PDE6B: variants seen among roughly 807,000 people sequenced by gnomAD.
PDE6B encodes the protein phosphodiesterase 6B, also known as rod cGMP-specific 3',5'-cyclic phosphodiesterase subunit beta.
A neutral mutation model predicts 109.0 loss-of-function variants in PDE6B; 106 were observed. The observed-to-expected ratio is 0.97, with a 90% CI of 0.83 to 1.14. PDE6B has a LOEUF of 1.14. Ranked by LOEUF, PDE6B falls within the 50% of genes most tolerant of loss-of-function variation. PDE6B has a pLI of 0.00. For missense variants in PDE6B, 1,193 were observed against 1,155.6 expected, an observed-to-expected ratio of 1.03 and a Z score of -0.47; for synonymous variants, 490 against 471.3, an observed-to-expected ratio of 1.04 and a Z score of -0.51.
At chr4:669,925 C>G in intron 21 of PDE6B, 121 bp from the exon 22 acceptor site, 1 of 835,408 alleles carries the variant, frequency 1.2e-6, no homozygotes, top group Non-Finnish European at 2.1e-6. Context: ...GGGCTGGTCA[C>G]AGACCCAGGT....
At chr4:658,845 A>G in intron 10 of PDE6B, 107 bp from the exon 11 acceptor site, 1 of 818,536 alleles carries the variant, frequency 1.2e-6, no homozygotes, top group Non-Finnish European at 2.1e-6. Context: ...GTGAAAGCAC[A>G]AGCTCTTGAC....
chr4:650,417 C>G (rs1413114666), intron 3 of PDE6B, among the ~76,000 whole-genome samples: 2 of 152,254 alleles, frequency 1.3e-5, no homozygotes, highest in Admixed American at 6.5e-5. Context: ...AGCCTGCTTC[C>G]TCCACACAGG....
Position 636,598 on chromosome 4 carries a change from G to T in PDE6B, c.711+629G>T, listed in dbSNP as rs1217059400. 2.6e-5 allele frequency among the ~76,000 whole-genome samples: 4 copies of T among 152,170 alleles called. 1 individual carries two copies. The highest frequency in any genetic ancestry group is 7.2e-5 in the African/African-American group (3 of 41,434). On this transcript the variant is annotated intron_variant, in intron 3 of 21. Coordinates refer to ENST00000496514, the MANE Select transcript of PDE6B (RefSeq NM_000283.4). The surrounding 1 kb of genome is among the most constrained non-coding windows in gnomAD (Gnocchi z 4.5). ...TGGGGGAGGGAGGCTCTATGTTGGG[G>T]CTGGGAAGCCGTCCATGCAATGGCC... is the stretch of plus-strand genomic sequence containing the variant.
intron 5 of PDE6B, 37 bp downstream of exon 5, chr4:654,191 C>T (rs373065560): frequency 1.9e-5 from 30 of 1,560,654 alleles, no homozygotes; most frequent in African/African-American, 1.5e-4. Flanking sequence ...CCTGTCCACA[C>T]GCCTCTGTTT....
intron 1 of PDE6B, among the ~76,000 whole-genome samples, chr4:630,088 G>T (rs1276306966): frequency 6.6e-6 from 1 of 152,190 alleles, no homozygotes; most frequent in Non-Finnish European, 1.5e-5. Context: ...AGGGGACACA[G>T]AACCCAGAGG....
In PDE6B at chr4:631,828, G is replaced by A. The variant is rs1734401321; in HGVS notation, c.469-2849G>A. ...CAAAGGGTCATGAGGGTCACGTTGT[G>A]TGGGTCCATGTGGCACCATCTGAGG... On this transcript the variant is annotated intron_variant, in intron 1 of 21. Transcript: ENST00000496514. Among the ~76,000 whole-genome samples the A allele has an allele frequency of 2.6e-5, 4 of 151,914 alleles. 1 individual carries two copies. In the South Asian group the frequency reaches 8.3e-4, roughly 32 times the overall value.
chr4:658,975 G>T lies in PDE6B; in HGVS notation c.1425G>T (p.Lys475Asn). The T allele has an allele frequency of 1.9e-6, 3 of 1,613,538 alleles. No homozygotes were observed. Among genetic ancestry groups the T allele is most frequent in the Non-Finnish European group, 2.5e-6 (3 of 1,179,766 alleles). ...AGCCAACCAGAGCGCGCCTGGGGAA[G>T]GAGCCTGCTGACTGCGATGAGGACG... ...LILPTRARLG[K>N]EPADCDEDEL... The change falls in exon 11 of 22, where the codon AAG becomes AAT. Residue 475 changes from lysine (K) to asparagine (N), a missense_variant. By Grantham distance (94) the Lys-to-Asn change is moderately conservative (BLOSUM62 0). Transcript: ENST00000496514.
At chr4:640,448 A>G (rs1346580261) in intron 3 of PDE6B, among the ~76,000 whole-genome samples, 2 of 152,122 alleles carry the variant, frequency 1.3e-5, no homozygotes, top group Non-Finnish European at 2.9e-5. Context: ...CTGAGGCAAG[A>G]GAATCACTTG....
intron 3 of PDE6B, among the ~76,000 whole-genome samples, chr4:637,945 C>T (rs959725838): frequency 7.9e-5 from 12 of 152,290 alleles, no homozygotes; most frequent in Middle Eastern, 3.4e-3. Context: ...GGAATAGCCG[C>T]GTCAGGACTG....
At chr4:634,547 C>G in intron 1 of PDE6B, 130 bp from the exon 2 acceptor site, 1 of 825,934 alleles carries the variant, frequency 1.2e-6, no homozygotes, top group Non-Finnish European at 2.1e-6. Context: ...TCCCAGTGCC[C>G]AGCAGGGCCC....
rs1275038755 is a variant in PDE6B, at chr4:665,838, CCCA to C, written c.2268+511_2268+513del. Reference sequence around the variant, plus strand: ...ACAGGAGAGGCAGGGCTGCCCCAGCCCCACGTGGACCAGGTGGGAGCTGTGGTT... The same window carrying C: ...ACAGGAGAGGCAGGGCTGCCCCAGCCCGTGGACCAGGTGGGAGCTGTGGTT... On this transcript the variant is annotated intron_variant, in intron 19 of 21. Coordinates refer to ENST00000496514, the MANE Select transcript of PDE6B (RefSeq NM_000283.4). The surrounding 1 kb of genome is among the most constrained non-coding windows in gnomAD (Gnocchi z 4.0). Among the ~76,000 whole-genome samples the C allele has an allele frequency of 6.6e-6, 1 of 152,126 alleles. No homozygotes were observed. Among genetic ancestry groups the C allele is most frequent in the Non-Finnish European group, 1.5e-5 (1 of 68,004 alleles).
At chr4:645,084 A>C (rs913692336) in intron 3 of PDE6B, among the ~76,000 whole-genome samples, 2 of 151,996 alleles carry the variant, frequency 1.3e-5, no homozygotes, top group Admixed American at 1.3e-4. Flanking sequence ...CCTTGTTCTA[A>C]AGTACTCTTT....
Position 626,933 on chromosome 4 carries a change from AG to A in PDE6B, c.468+845del, listed in dbSNP as rs1219034265. Among the ~76,000 whole-genome samples the A allele has an allele frequency of 2.6e-5, 4 of 152,182 alleles. No individual in the cohort carries two copies. In the East Asian group the frequency reaches 7.7e-4, roughly 29 times the overall value. On this transcript the variant is annotated intron_variant, in intron 1 of 21. Coordinates refer to ENST00000496514, the MANE Select transcript of PDE6B (RefSeq NM_000283.4). The surrounding 1 kb of genome is among the most constrained non-coding windows in gnomAD (Gnocchi z 4.6). Reference sequence around the variant, plus strand: ...CAAGGGGGCTCTGAGGAAGAAGGGGAGGGGGGAAGCCCCTTCTCCCTGTCCT... The same window carrying A: ...CAAGGGGGCTCTGAGGAAGAAGGGGAGGGGGAAGCCCCTTCTCCCTGTCCT...
intron 6 of PDE6B, chr4:655,615 G>C (rs914707758): frequency 2.2e-6 from 1 of 455,254 alleles, no homozygotes; most frequent in Admixed American, 3.4e-5. Context: ...TCCAACCCAC[G>C]CCCTGGCCTC....
intron 3 of PDE6B, among the ~76,000 whole-genome samples, chr4:642,411 G>C (rs995479293): frequency 1.3e-5 from 2 of 152,130 alleles, no homozygotes; most frequent in Non-Finnish European, 1.5e-5. Flanking sequence ...GGGAGGCAGA[G>C]GTTGTGGTGA....
chr4:664,353 G>A, intron 17 of PDE6B, 132 bp downstream of exon 17: 1 of 707,478 alleles, frequency 1.4e-6, no homozygotes. Context: ...GCTTGTCGAG[G>A]GCTGTGAAAC....
At position 662,108 on chromosome 4, in the gene PDE6B, G is replaced by C; in HGVS notation, c.1615-26G>C. On this transcript the variant is annotated intron_variant, in intron 12 of 21. Transcript: ENST00000496514. This position sits in a 1 kb window ranked among gnomAD's most constrained non-coding sequence, Gnocchi z 4.3. ...CGGGACTTACACGCTTGCCGCCGGA[G>C]CCCTGTGTCCTCTCGGCTCCCCCAG... 8.4e-7 allele frequency: 1 copy of C among 1,185,832 alleles called. No individual in the cohort carries two copies. The highest frequency in any genetic ancestry group is 1.2e-6 in the Non-Finnish European group (1 of 812,468). 73.5% of individuals were successfully genotyped at this position (1,185,832 alleles called of 1,614,324 possible).
intron 3 of PDE6B, among the ~76,000 whole-genome samples, chr4:646,957 C>T (rs1040862356): frequency 2.4e-4 from 37 of 151,690 alleles, no homozygotes; most frequent in Admixed American, 1.8e-3. Flanking sequence ...TCCTGGGTTC[C>T]AGTGATTCTC....
At chr4:668,382 A>T (rs1204317357) in intron 21 of PDE6B, among the ~76,000 whole-genome samples, 6 of 151,722 alleles carry the variant, frequency 4.0e-5, no homozygotes, top group Admixed American at 3.9e-4. Flanking sequence ...CTTAGCTCTG[A>T]GGTTTGGCTT....
Sources: allele counts gnomAD v4.1 joint callset (sites outside exome capture counted in the v4.1 genomes callset), GRCh38; gene constraint gnomAD v4.1.1; non-coding constraint Gnocchi (gnomAD v3.1); transcripts MANE v1.5; gene names NCBI Gene and HGNC (gene_info 2026-07-23, HGNC 2026-07-21).